Variants in VPS50 observed in about 807,000 individuals in gnomAD.
VPS50 encodes syndetin.
VPS50 carries 70 observed loss-of-function variants against 139.7 expected under a neutral mutation model. That is an observed-to-expected ratio of 0.50 (90% CI 0.41 to 0.61). VPS50 has a LOEUF of 0.61. Ranked by LOEUF, VPS50 falls within the 20% of genes least tolerant of loss-of-function variation. VPS50 has a pLI of 0.00. For missense variants in VPS50, 921 were observed against 1,133.7 expected (o/e 0.81, Z 2.69); for synonymous variants, 365 against 376.7 (o/e 0.97, Z 0.36).
chr7:93,317,238 C>T (rs777628857), intron 20 of VPS50, among the ~76,000 whole-genome samples: 25 of 152,100 alleles, frequency 1.6e-4, no homozygotes, highest in Non-Finnish European at 3.4e-4. Context: ...GTCAGTATCA[C>T]CTAGAGGGCT....
At position 93,253,867 on chromosome 7, in the gene VPS50, C is replaced by T; in HGVS notation, c.233C>T (p.Pro78Leu). Reference sequence around the variant, plus strand: ...ATGAATTTTTTTCTGTAGAAGCTTCCACCTGTTCTCAATTTGCAAGAATTA... The same window carrying T: ...ATGAATTTTTTTCTGTAGAAGCTTCTACCTGTTCTCAATTTGCAAGAATTA... The part of the protein sequence containing the change: ...DIVKYELEKL[P>L]PVLNLQELEA... The change falls in exon 4 of 28, where the codon CCA becomes CTA. Residue 78 changes from proline to leucine, a missense_variant. Pro to Leu is a moderately conservative substitution (Grantham distance 98). Coordinates refer to ENST00000305866, the MANE Select transcript of VPS50 (RefSeq NM_017667.4). 6.3e-7 allele frequency: 1 copy of T among 1,584,084 alleles called. No homozygotes were observed. The highest frequency in any genetic ancestry group is 8.7e-7 in the Non-Finnish European group (1 of 1,155,578).
At chr7:93,318,356 AT>A (rs1481292250) in intron 20 of VPS50, among the ~76,000 whole-genome samples, 1 of 152,030 alleles carries the variant, frequency 6.6e-6, no homozygotes, top group East Asian at 1.9e-4. Flanking sequence ...GGACTTGTTG[AT>A]TTTTTACTCT....
chr7:93,258,418 A>G (rs1795557835), intron 8 of VPS50, 26 bp downstream of exon 8: 2 of 1,579,494 alleles, frequency 1.3e-6, no homozygotes, highest in Admixed American at 1.7e-5. Flanking sequence ...TTGGAAATTT[A>G]GGGTCCTACT....
intron 1 of VPS50, among the ~76,000 whole-genome samples, chr7:93,233,420 T>TA (rs756537487): frequency 7.9e-5 from 12 of 152,202 alleles, no homozygotes; most frequent in Non-Finnish European, 1.6e-4. Context: ...TAGTGAAAGG[T>TA]ATATTTGTGA....
chr7:93,255,928 C>G (rs557282587), intron 4 of VPS50, among the ~76,000 whole-genome samples: 1 of 152,280 alleles, frequency 6.6e-6, no homozygotes, highest in Admixed American at 6.5e-5. Context: ...ATTAGAGCCT[C>G]ATGTTCAAAA....
chr7:93,262,700 C>T (rs1380919641), intron 9 of VPS50, among the ~76,000 whole-genome samples: 1 of 152,168 alleles, frequency 6.6e-6, no homozygotes, highest in Non-Finnish European at 1.5e-5. Flanking sequence ...GTCAGGGTGA[C>T]TCAGAGAGCA....
chr7:93,317,353 C>A (rs955521049), intron 20 of VPS50, among the ~76,000 whole-genome samples: 2 of 152,110 alleles, frequency 1.3e-5, no homozygotes, highest in Non-Finnish European at 2.9e-5. Context: ...AGTTCAAGAG[C>A]AGCCTGGCCA....
At chr7:93,337,864 C>T (rs1798107691) in intron 22 of VPS50, among the ~76,000 whole-genome samples, 2 of 152,002 alleles carry the variant, frequency 1.3e-5, no homozygotes, top group African/African-American at 4.8e-5. Context: ...TCATAACCAC[C>T]CAAAGCAGCC....
intron 13 of VPS50, among the ~76,000 whole-genome samples, chr7:93,293,399 A>G (rs1796705723): frequency 6.6e-6 from 1 of 152,160 alleles, no homozygotes; most frequent in Admixed American, 6.6e-5. Context: ...AATAGTTTAC[A>G]TTCGTTGGAA....
At position 93,271,269 on chromosome 7, in the gene VPS50, A is replaced by C; in HGVS notation, c.702+7A>C. 3 of 1,558,510 alleles carry C rather than the reference A, an allele frequency of 1.9e-6. No homozygotes were observed. Among genetic ancestry groups the C allele is most frequent in the Non-Finnish European group, 2.6e-6 (3 of 1,159,832 alleles). ...TACTTTGGAACAGATTGAGGTAAGA[A>C]GTATTATATCCTAACCTTAATGAGT... On this transcript the variant is annotated splice_region_variant and intron_variant, in intron 10 of 27. Transcript: ENST00000305866.
At chr7:93,293,898 C>T (rs1796721498) in intron 13 of VPS50, among the ~76,000 whole-genome samples, 1 of 152,058 alleles carries the variant, frequency 6.6e-6, no homozygotes, top group African/African-American at 2.4e-5. Flanking sequence ...TGGATAACTT[C>T]CCAACCTAAG....
intron 19 of VPS50, 134 bp downstream of exon 19, chr7:93,309,076 T>A (rs1797195372): frequency 2.2e-6 from 1 of 450,206 alleles, no homozygotes. Context: ...GAAGTTAGTA[T>A]GTTTTAAAAA....
chr7:93,310,648 G>A (rs916092486), intron 19 of VPS50, among the ~76,000 whole-genome samples: 9 of 151,898 alleles, frequency 5.9e-5, no homozygotes, highest in South Asian at 2.1e-4. Context: ...ACATGCGAAC[G>A]TGGTGAACTC....
intron 2 of VPS50, among the ~76,000 whole-genome samples, chr7:93,242,303 C>T (rs1257556940): frequency 1.3e-5 from 2 of 151,664 alleles, no homozygotes; most frequent in Admixed American, 6.6e-5. Flanking sequence ...AAGGCGATTA[C>T]AGATTATAAT....
chr7:93,300,504 A>AACG (rs1173597158), intron 16 of VPS50, among the ~76,000 whole-genome samples: 1 of 152,168 alleles, frequency 6.6e-6, no homozygotes, highest in African/African-American at 2.4e-5. Context: ...ATATGCTATG[A>AACG]ACAGGTAGGA....
At chr7:93,236,147 G>C (rs1794794316) in intron 1 of VPS50, among the ~76,000 whole-genome samples, 1 of 152,194 alleles carries the variant, frequency 6.6e-6, no homozygotes, top group South Asian at 2.1e-4. Flanking sequence ...GAATTTAAAA[G>C]AGTAAGGAGT....
intron 12 of VPS50, among the ~76,000 whole-genome samples, chr7:93,283,648 A>T (rs1796396210): frequency 6.6e-6 from 1 of 152,210 alleles, no homozygotes; most frequent in African/African-American, 2.4e-5. Context: ...ATTAATTATG[A>T]TCAGAGGTAG....
chr7:93,305,884 A>G lies in VPS50; in HGVS notation c.1509A>G (p.Pro503=). 1.9e-6 allele frequency: 3 copies of G among 1,612,560 alleles called. No individual in the cohort carries two copies. The highest frequency in any genetic ancestry group is 2.2e-5 in the East Asian group (1 of 44,836). ...CATCAGTTTCACCTAGTAAACAGCC[A>G]GTCTCAACTTCTTCAAAAACAGTGA... ...RSPSVSPSKQ[P]VSTSSKTVTL... is the part of the protein sequence containing the mutation. The change falls in exon 18 of 28, where the codon CCA becomes CCG. Residue 503 remains proline (P), a synonymous_variant. Transcript: ENST00000305866.
intron 25 of VPS50, among the ~76,000 whole-genome samples, chr7:93,353,155 T>C (rs1004081441): frequency 6.6e-6 from 1 of 152,062 alleles, no homozygotes; most frequent in Non-Finnish European, 1.5e-5. Context: ...ACCCATATCA[T>C]TATTTATTTT....
Sources: allele counts gnomAD v4.1 joint callset (sites outside exome capture counted in the v4.1 genomes callset), GRCh38; gene constraint gnomAD v4.1.1; transcripts MANE v1.5; gene names NCBI Gene and HGNC (gene_info 2026-07-23, HGNC 2026-07-21).